USP1: variants seen among roughly 807,000 people sequenced by gnomAD.
USP1 encodes ubiquitin specific peptidase 1.
In USP1, 18 loss-of-function variants were observed where a neutral mutation model predicts 72.2. The observed-to-expected ratio is 0.25, with a 90% CI of 0.17 to 0.37. The LOEUF (loss-of-function observed/expected upper bound fraction) is 0.37, where lower values mean the gene tolerates loss of function less well. Among genes scored for constraint, USP1 ranks in the 10% least tolerant of loss-of-function variants. The pLI is 1.00. For synonymous variants in USP1, 354 were observed against 303.7 expected, an observed-to-expected ratio of 1.17 and a Z score of -1.72; for missense variants, 759 against 884.9, an observed-to-expected ratio of 0.86 and a Z score of 1.81.
Position 62,447,372 on chromosome 1 carries a change from G to A in USP1, c.1281G>A (p.Glu427=), listed in dbSNP as rs1328499724. The A allele has an allele frequency of 1.2e-6, 2 of 1,613,770 alleles. No individual in the cohort carries two copies. Among genetic ancestry groups the A allele is most frequent in the African/African-American group, 2.7e-5 (2 of 74,936 alleles). ...AACAAATTGGTTTTGAGCTAGTGGA[G>A]AAATTATTTCAAGGTCAGCTGGTAT... ...GEEQIGFELV[E]KLFQGQLVLR... Residue 427 remains glutamate (E), a synonymous_variant, in exon 7 of 9, where the codon GAG becomes GAA. Coordinates refer to ENST00000339950, the MANE Select transcript of USP1 (RefSeq NM_003368.5).
chr1:62,448,690 T>C (rs1645193237), intron 8 of USP1, 24 bp downstream of exon 8: 2 of 1,603,648 alleles, frequency 1.2e-6, no homozygotes, highest in Non-Finnish European at 1.7e-6. Flanking sequence ...ATAAGAACTA[T>C]ATGAAGAAAA....
chr1:62,443,291 C>A lies in USP1; in HGVS notation c.529C>A (p.Gln177Lys). ...PEKYTDELATQPRRLLNTLRE... is the reference protein window; with the variant it reads ...PEKYTDELATKPRRLLNTLRE... ...GAAATATACTGATGAACTTGCCACT[C>A]AGCCAAGGCGACTGCTTAACACACT... Residue 177 changes from glutamine (Q) to lysine (K), a missense_variant, in exon 5 of 9, where the codon CAG becomes AAG. By Grantham distance (53) the Gln-to-Lys change is moderately conservative. Coordinates refer to ENST00000339950, the MANE Select transcript of USP1 (RefSeq NM_003368.5). 2 of 1,613,138 alleles carry A rather than the reference C, an allele frequency of 1.2e-6. No homozygotes were observed. The highest frequency in any genetic ancestry group is 1.7e-6 in the Non-Finnish European group (2 of 1,179,762).
chr1:62,448,366 G>C (rs1557558183), intron 7 of USP1, 99 bp from the exon 8 acceptor site: 13 of 1,172,748 alleles, frequency 1.1e-5, no homozygotes, highest in East Asian at 5.1e-5. Flanking sequence ...GAATGGGTCG[G>C]TCAATTGAAA....
intron 7 of USP1, among the ~76,000 whole-genome samples, chr1:62,448,250 C>CT (rs1404317055): frequency 1.3e-5 from 2 of 152,094 alleles, no homozygotes; most frequent in African/African-American, 2.4e-5. Context: ...TTTTTGCTGT[C>CT]TATCATATTT....
chr1:62,438,927 G>T (rs1038067186), intron 1 of USP1, among the ~76,000 whole-genome samples: 3 of 152,174 alleles, frequency 2.0e-5, no homozygotes, highest in Admixed American at 6.5e-5. Flanking sequence ...AACTTTGCTT[G>T]TGTTTTATCT....
chr1:62,450,234 T>C lies in USP1; in HGVS notation c.1623-12T>C, dbSNP rs1462507307. On this transcript the variant is annotated splice_polypyrimidine_tract_variant and intron_variant, in intron 8 of 8. Transcript: ENST00000339950. ...GAACTGCAGGAAACCTTTTCTTTTT[T>C]TCCTCCCAAAGGTTTGATTGTTATG... 1 of 1,585,524 alleles carries C rather than the reference T, an allele frequency of 6.3e-7. No homozygotes were observed. The highest frequency in any genetic ancestry group is 8.6e-7 in the Non-Finnish European group (1 of 1,166,398).
intron 2 of USP1, 42 bp downstream of exon 2, chr1:62,440,079 A>G (rs917683235): frequency 7.3e-7 from 1 of 1,376,012 alleles, no homozygotes; most frequent in Admixed American, 2.9e-5. Context: ...TTCTACAGTA[A>G]AGCAGCAGTG....
At chr1:62,446,129 T>C (rs1291271374) in intron 6 of USP1, among the ~76,000 whole-genome samples, 2 of 152,054 alleles carry the variant, frequency 1.3e-5, no homozygotes, top group Non-Finnish European at 2.9e-5. Flanking sequence ...AGTACAGTCA[T>C]GTGTTGCTTA....
chr1:62,439,441 C>T (rs1000782596), intron 1 of USP1, among the ~76,000 whole-genome samples: 9 of 152,210 alleles, frequency 5.9e-5, no homozygotes, highest in Admixed American at 6.5e-5. Flanking sequence ...CTTCGGCCTC[C>T]CAAAGTGCTG....
chr1:62,440,956 A>G (rs893580606), intron 2 of USP1, among the ~76,000 whole-genome samples: 28 of 151,994 alleles, frequency 1.8e-4, no homozygotes, highest in African/African-American at 1.4e-4. Flanking sequence ...TTACATGTCA[A>G]TGCCCCCACA....
chr1:62,447,474 A>G lies in USP1; in HGVS notation c.1383A>G (p.Gln461=). Residue 461 remains glutamine, a synonymous_variant, in exon 7 of 9, where the codon CAA becomes CAG. Coordinates refer to ENST00000339950, the MANE Select transcript of USP1 (RefSeq NM_003368.5). ...TTCAAGACATCAGTGTGCCAGTACA[A>G]GAAGATGAGCTTTCCAAAGTAGAGG... ...EDFQDISVPV[Q]EDELSKVEES... 1 of 1,614,108 alleles carries G rather than the reference A, an allele frequency of 6.2e-7. No homozygotes were observed. Among genetic ancestry groups the G allele is most frequent in the Non-Finnish European group, 8.5e-7 (1 of 1,180,004 alleles).
chr1:62,442,511 A>G (rs1645140852), intron 4 of USP1, among the ~76,000 whole-genome samples: 1 of 152,092 alleles, frequency 6.6e-6, no homozygotes, highest in African/African-American at 2.4e-5. Context: ...CTGTGTATCA[A>G]ACTTTTGTTA....
intron 1 of USP1, among the ~76,000 whole-genome samples, chr1:62,438,233 A>G (rs986305488): frequency 6.6e-6 from 1 of 152,076 alleles, no homozygotes; most frequent in African/African-American, 2.4e-5. Flanking sequence ...TGTCGGTTTG[A>G]GATCCAGTTT....
chr1:62,443,071 C>T (rs1466373344), intron 4 of USP1, 88 bp from the exon 5 acceptor site: 2 of 1,368,838 alleles, frequency 1.5e-6, no homozygotes, highest in African/African-American at 3.0e-5. Context: ...CTTAGAAAAT[C>T]TAGTATTCTT....
In USP1 at chr1:62,451,169, CAGTA is replaced by C. The variant is rs1645214312; in HGVS notation, c.*189_*192del. On this transcript the variant is annotated 3_prime_UTR_variant, in exon 9 of 9. Transcript: ENST00000339950. ...GTTAATTTTTAGAACTCATTTTCCT[CAGTA>C]GAGACTAGTGATGCATTAGCTTCTG... 3 of 584,584 alleles carry C rather than the reference CAGTA, an allele frequency of 5.1e-6. No homozygotes were observed. 36.2% of individuals were successfully genotyped at this position (584,584 alleles called of 1,614,324 possible).
intron 1 of USP1, among the ~76,000 whole-genome samples, chr1:62,439,192 GT>G (rs535620011): frequency 2.0e-5 from 3 of 148,806 alleles, no homozygotes; most frequent in African/African-American, 4.9e-5. Context: ...ATATTAAGTT[GT>G]TTTTTTTTTG....
At chr1:62,440,506 A>G (rs1213248500) in intron 2 of USP1, among the ~76,000 whole-genome samples, 1 of 152,194 alleles carries the variant, frequency 6.6e-6, no homozygotes, top group African/African-American at 2.4e-5. Flanking sequence ...AATGCTTTTG[A>G]TGCAAATAAA....
Position 62,443,180 on chromosome 1 carries a change from T to A in USP1, c.418T>A (p.Leu140Met). The change falls in exon 5 of 9, where the codon TTG (leucine) becomes ATG (methionine). Residue 140 changes from leucine (L) to methionine (M), a missense_variant. Physicochemically the swap from Leu to Met is conservative, Grantham distance 15. Around this residue, in one of 9 missense-constraint regions of USP1, gnomAD observed 71 missense variants for 71.0 expected, o/e 1.00. Coordinates refer to ENST00000339950, the MANE Select transcript of USP1 (RefSeq NM_003368.5). ...KDKGNCKEDS[L>M]ASYELICSLQ... is the part of the protein sequence containing the mutation. ...ACAGGGAAATTGCAAAGAAGATTCT[T>A]TGGCAAGTTATGAATTGATATGCAG... 6 of 1,609,460 alleles carry A rather than the reference T, an allele frequency of 3.7e-6. No homozygotes were observed. The highest frequency in any genetic ancestry group is 5.1e-6 in the Non-Finnish European group (6 of 1,178,932).
chr1:62,440,119 A>G (rs1167109122), intron 2 of USP1, 82 bp downstream of exon 2: 3 of 1,275,842 alleles, frequency 2.4e-6, no homozygotes, highest in South Asian at 2.2e-5. Context: ...GTCTGACTTG[A>G]TAGTCTGTAG....
Sources: allele counts gnomAD v4.1 joint callset (sites outside exome capture counted in the v4.1 genomes callset), GRCh38; gene constraint gnomAD v4.1.1; regional missense constraint gnomAD v4.1.1; transcripts MANE v1.5; gene names NCBI Gene and HGNC (gene_info 2026-07-23, HGNC 2026-07-21).